ZNF362: variants seen among roughly 807,000 people sequenced by gnomAD.
The protein encoded by ZNF362 is rotund homolog.
A neutral mutation model predicts 42.9 loss-of-function variants in ZNF362; 11 were observed. The ratio of observed to expected loss-of-function variants is 0.26; its 90% confidence interval spans 0.16 to 0.42. The LOEUF is 0.42. Among genes scored for constraint, ZNF362 ranks in the 20% least tolerant of loss-of-function variants. The pLI is 1.00. For synonymous variants in ZNF362, 255 were observed against 257.3 expected (o/e 0.99, Z 0.09); for missense variants, 362 against 576.2 (o/e 0.63, Z 3.81).
chr1:33,260,192 C>T (rs1326172212), intron 1 of ZNF362, among the ~76,000 whole-genome samples: 2 of 152,164 alleles, frequency 1.3e-5, no homozygotes, highest in Non-Finnish European at 2.9e-5. Flanking sequence ...TTTGTCATTC[C>T]CCTGCTGAAA....
upstream of ZNF362, among the ~76,000 whole-genome samples, chr1:33,254,930 G>A (rs900714565): frequency 3.3e-5 from 5 of 152,036 alleles, no homozygotes; most frequent in African/African-American, 7.3e-5. Flanking sequence ...TCTGATTATC[G>A]TCATTTCTGG....
the ZNF362 span, among the ~76,000 whole-genome samples, chr1:33,183,270 C>A: frequency 1.3e-5 from 2 of 152,174 alleles, no homozygotes; most frequent in South Asian, 2.1e-4. Context: ...CTGCCTCCTC[C>A]AGAAATATCT....
At chr1:33,140,712 T>A in the ZNF362 span, among the ~76,000 whole-genome samples, 2 of 152,206 alleles carry the variant, frequency 1.3e-5, no homozygotes, top group Non-Finnish European at 2.9e-5. The surrounding 1 kb of genome is among the most constrained non-coding windows in gnomAD (Gnocchi z 4.0). Context: ...TGGCTGGTGC[T>A]AGCTCTGAAC....
the ZNF362 span, among the ~76,000 whole-genome samples, chr1:33,250,878 A>AAGAAGAAGAAGAAGG: frequency 6.6e-6 from 1 of 151,804 alleles, no homozygotes; most frequent in Non-Finnish European, 1.5e-5. Flanking sequence ...GAAGAAGAAG[A>AAGAAGAAGAAGAAGG]AGAAGAAGAA....
chr1:33,272,680 C>G (rs1057356030), intron 2 of ZNF362, among the ~76,000 whole-genome samples: 10 of 152,064 alleles, frequency 6.6e-5, no homozygotes, highest in African/African-American at 2.4e-4. Context: ...CCACCCCCTG[C>G]CCTCACCAGG....
At chr1:33,263,580 T>C (rs576310979) in intron 1 of ZNF362, among the ~76,000 whole-genome samples, 2 of 152,206 alleles carry the variant, frequency 1.3e-5, no homozygotes, top group East Asian at 3.9e-4. Context: ...CCGGCTAATC[T>C]TTGTATTTTT....
chr1:33,192,445 C>T, the ZNF362 span, among the ~76,000 whole-genome samples: 3 of 152,090 alleles, frequency 2.0e-5, no homozygotes, highest in African/African-American at 7.2e-5. Flanking sequence ...GCTTAGAAGA[C>T]CAGATACAGA....
the ZNF362 span, among the ~76,000 whole-genome samples, chr1:33,204,222 A>G: frequency 6.6e-6 from 1 of 152,106 alleles, no homozygotes. Context: ...CATCTATTGA[A>G]GAGGCTGTCT....
At chr1:33,263,859 G>A (rs1042360337) in intron 1 of ZNF362, among the ~76,000 whole-genome samples, 1 of 152,230 alleles carries the variant, frequency 6.6e-6, no homozygotes, top group Non-Finnish European at 1.5e-5. Context: ...AGTTGCAGGA[G>A]ATGAGGCAGC....
At chr1:33,291,575 A>T (rs999405648) in intron 6 of ZNF362, among the ~76,000 whole-genome samples, 1 of 152,198 alleles carries the variant, frequency 6.6e-6, no homozygotes, top group African/African-American at 2.4e-5. Context: ...TATGAACTTT[A>T]AAGTAGTTTT....
the ZNF362 span, among the ~76,000 whole-genome samples, chr1:33,205,458 C>A: frequency 6.6e-6 from 1 of 151,406 alleles, no homozygotes; most frequent in Non-Finnish European, 1.5e-5. Flanking sequence ...GCACTTCAGC[C>A]TGGGCAACAA....
At chr1:33,230,910 A>C in the ZNF362 span, among the ~76,000 whole-genome samples, 1 of 152,226 alleles carries the variant, frequency 6.6e-6, no homozygotes, top group Non-Finnish European at 1.5e-5. Flanking sequence ...AACCATACAC[A>C]TATTGCTAGG....
chr1:33,240,701 C>T, the ZNF362 span, among the ~76,000 whole-genome samples: 1 of 152,274 alleles, frequency 6.6e-6, no homozygotes, highest in Non-Finnish European at 1.5e-5. Flanking sequence ...GTGCAGTCTG[C>T]ACCTCCAACC....
At chr1:33,290,749 T>C (rs910780429) in intron 6 of ZNF362, among the ~76,000 whole-genome samples, 1 of 152,174 alleles carries the variant, frequency 6.6e-6, no homozygotes, top group Non-Finnish European at 1.5e-5. Flanking sequence ...TTTTAATGAT[T>C]GCCATTCTAA....
chr1:33,289,833 C>G (rs1646063053), intron 6 of ZNF362, among the ~76,000 whole-genome samples: 1 of 152,154 alleles, frequency 6.6e-6, no homozygotes, highest in Admixed American at 6.5e-5. Context: ...AAATAAGTAC[C>G]CATGCAGAGA....
At chr1:33,205,602 T>G in the ZNF362 span, among the ~76,000 whole-genome samples, 1 of 152,004 alleles carries the variant, frequency 6.6e-6, no homozygotes, top group African/African-American at 2.4e-5. Flanking sequence ...GTCAAGATAT[T>G]TTGGTATTGG....
At chr1:33,254,872 G>A (rs954014710), upstream of ZNF362, among the ~76,000 whole-genome samples, 2 of 152,038 alleles carry the variant, frequency 1.3e-5, no homozygotes, top group Non-Finnish European at 2.9e-5. Flanking sequence ...CTTCTCTCCC[G>A]TTTATTAATT....
At chr1:33,249,216 G>A in the ZNF362 span, among the ~76,000 whole-genome samples, 2 of 152,216 alleles carry the variant, frequency 1.3e-5, no homozygotes, top group East Asian at 3.9e-4. Context: ...GATGGTTGGG[G>A]AGCACATTCT....
At chr1:33,269,582 G>T (rs1362954473) in intron 1 of ZNF362, among the ~76,000 whole-genome samples, 2 of 152,156 alleles carry the variant, frequency 1.3e-5, no homozygotes, top group South Asian at 2.1e-4. Flanking sequence ...TGTCACCCAG[G>T]CTGGAGTGTA....
Sources: allele counts gnomAD v4.1 joint callset (sites outside exome capture counted in the v4.1 genomes callset), GRCh38; gene constraint gnomAD v4.1.1; non-coding constraint Gnocchi (gnomAD v3.1); transcripts MANE v1.5; gene names NCBI Gene and HGNC (gene_info 2026-07-23, HGNC 2026-07-21).